Variants in IGF2BP3 observed in about 807,000 individuals in gnomAD.
The protein encoded by IGF2BP3 is insulin like growth factor 2 mRNA binding protein 3.
Under a neutral mutation model 73.8 loss-of-function variants are expected in IGF2BP3, and 9 were observed. The ratio of observed to expected loss-of-function variants is 0.12; its 90% CI spans 0.07 to 0.21. IGF2BP3 has a LOEUF of 0.21. IGF2BP3 is among the 10% of genes least tolerant of loss of function. The pLI is 1.00. For missense variants in IGF2BP3, 542 were observed against 714.0 expected (o/e 0.76, Z 2.75); for synonymous variants, 258 against 256.7 (o/e 1.01, Z -0.05).
chr7:23,342,851 T>C (rs1166875271), intron 9 of IGF2BP3, among the ~76,000 whole-genome samples: 1 of 152,198 alleles, frequency 6.6e-6, no homozygotes, highest in Non-Finnish European at 1.5e-5. Context: ...TAATCCCAGT[T>C]GATTCCAGAA....
At chr7:23,448,704 C>T (rs1265923253) in intron 2 of IGF2BP3, among the ~76,000 whole-genome samples, 1 of 152,176 alleles carries the variant, frequency 6.6e-6, no homozygotes, top group South Asian at 2.1e-4. Flanking sequence ...GATCTCAGCT[C>T]AGTGCAGCCT....
intron 3 of IGF2BP3, among the ~76,000 whole-genome samples, chr7:23,362,829 C>T (rs1004723457): frequency 6.6e-6 from 1 of 152,150 alleles, no homozygotes; most frequent in Non-Finnish European, 1.5e-5. Context: ...TCACAGCTCA[C>T]TGCAGCCTCA....
intron 2 of IGF2BP3, among the ~76,000 whole-genome samples, chr7:23,435,271 C>T (rs1373787305): frequency 1.8e-5 from 2 of 108,322 alleles, no homozygotes; most frequent in Non-Finnish European, 1.7e-5. Flanking sequence ...CCAGCCCAGG[C>T]GACAGAGCAA....
intron 2 of IGF2BP3, among the ~76,000 whole-genome samples, chr7:23,450,997 G>A (rs1788183541): frequency 6.6e-6 from 1 of 152,134 alleles, no homozygotes. Context: ...TATGTGGCTG[G>A]ATTTTCCTCA....
chr7:23,312,522 C>A (rs975155618), intron 14 of IGF2BP3, 62 bp from the exon 15 acceptor site: 1 of 1,167,342 alleles, frequency 8.6e-7, no homozygotes, highest in Non-Finnish European at 1.3e-6. Context: ...TTATTGTACT[C>A]CTTCATTTCA....
At chr7:23,331,677 T>C (rs1784447750) in intron 10 of IGF2BP3, among the ~76,000 whole-genome samples, 1 of 152,000 alleles carries the variant, frequency 6.6e-6, no homozygotes, top group Non-Finnish European at 1.5e-5. Flanking sequence ...CTGGGCAACA[T>C]GGTGAAACCC....
At chr7:23,446,502 A>G (rs1315110543) in intron 2 of IGF2BP3, among the ~76,000 whole-genome samples, 2 of 152,200 alleles carry the variant, frequency 1.3e-5, no homozygotes, top group Non-Finnish European at 2.9e-5. Flanking sequence ...GGTGGCAGTG[A>G]GCCGAGATCG....
At chr7:23,423,620 T>C (rs1787412784) in intron 2 of IGF2BP3, among the ~76,000 whole-genome samples, 1 of 152,178 alleles carries the variant, frequency 6.6e-6, no homozygotes, top group Non-Finnish European at 1.5e-5. Context: ...TGGCATCTGA[T>C]AAGCATTCAA....
intron 3 of IGF2BP3, among the ~76,000 whole-genome samples, chr7:23,372,512 T>C (rs1206695215): frequency 6.6e-6 from 1 of 152,220 alleles, no homozygotes; most frequent in African/African-American, 2.4e-5. Flanking sequence ...AAGTCCATTG[T>C]ATCATTCTTA....
intron 3 of IGF2BP3, among the ~76,000 whole-genome samples, chr7:23,386,213 T>C (rs1379034121): frequency 6.6e-6 from 1 of 152,190 alleles, no homozygotes; most frequent in African/African-American, 2.4e-5. Context: ...AGATGTGAAA[T>C]ATTGGCCAGG....
chr7:23,414,176 A>G (rs1406116636), intron 3 of IGF2BP3: 2 of 152,130 alleles, frequency 1.3e-5, no homozygotes, highest in Non-Finnish European at 2.9e-5. Flanking sequence ...TTAGTCTCCC[A>G]GTATCTTCAT....
chr7:23,438,262 C>T (rs1787850032), intron 2 of IGF2BP3, among the ~76,000 whole-genome samples: 1 of 152,148 alleles, frequency 6.6e-6, no homozygotes, highest in African/African-American at 2.4e-5. Flanking sequence ...TACAGGCACC[C>T]ACCACCATGC....
intron 3 of IGF2BP3, among the ~76,000 whole-genome samples, chr7:23,364,859 T>C (rs868399511): frequency 2.6e-5 from 4 of 151,672 alleles, no homozygotes; most frequent in Non-Finnish European, 5.9e-5. Context: ...GACAGTTTAA[T>C]ATGTTATTTA....
At chr7:23,423,022 G>A (rs1162402091) in intron 2 of IGF2BP3, among the ~76,000 whole-genome samples, 9 of 152,186 alleles carry the variant, frequency 5.9e-5, no homozygotes, top group African/African-American at 1.7e-4. Flanking sequence ...TGATCTGCCC[G>A]CCTCAGCCTC....
Position 23,407,778 on chromosome 7 carries a change from T to A in IGF2BP3, c.285+10998A>T, listed in dbSNP as rs191582115. Among the ~76,000 whole-genome samples the A allele has an allele frequency of 3.3e-5, 5 of 152,118 alleles. No homozygotes were observed. The East Asian group carries it at 9.6e-4, about 29-fold the overall frequency. ...TGTGTTACCCTGATAACAAAATCAA[T>A]GGCAATACAAAAAACATCAAACTAC... On this transcript the variant is annotated intron_variant, in intron 3 of 14. Coordinates refer to ENST00000258729, the MANE Select transcript of IGF2BP3 (RefSeq NM_006547.3).
chr7:23,441,213 C>T (rs1212098240), intron 2 of IGF2BP3, among the ~76,000 whole-genome samples: 4 of 152,056 alleles, frequency 2.6e-5, no homozygotes, highest in African/African-American at 9.7e-5. Flanking sequence ...GGAAGGATCG[C>T]TTGAGGCCAG....
chr7:23,465,057 C>T (rs1378492260), intron 2 of IGF2BP3, among the ~76,000 whole-genome samples: 1 of 152,264 alleles, frequency 6.6e-6, no homozygotes, highest in East Asian at 1.9e-4. Flanking sequence ...CAATTTTCCT[C>T]TTCCCTCTCC....
intron 3 of IGF2BP3, among the ~76,000 whole-genome samples, chr7:23,398,163 G>C (rs998310103): frequency 6.6e-6 from 1 of 151,140 alleles, no homozygotes; most frequent in Non-Finnish European, 1.5e-5. Flanking sequence ...ACATGCAGTG[G>C]TTGGTTTTTT....
chr7:23,372,072 G>GTT (rs571101695), intron 3 of IGF2BP3, among the ~76,000 whole-genome samples: 4 of 147,224 alleles, frequency 2.7e-5, no homozygotes. Flanking sequence ...ACATGAATAA[G>GTT]TTTTTTTTTT....
Sources: gnomAD v4.1 joint callset for allele counts (sites outside exome capture counted in the v4.1 genomes callset) on GRCh38, gnomAD v4.1.1 for gene constraint, MANE v1.5 for transcripts, NCBI Gene and HGNC (gene_info 2026-07-23, HGNC 2026-07-21) for gene names.